Variants in NOVA1 observed in about 807,000 individuals in gnomAD.
NOVA1 encodes RNA-binding protein Nova-1.
NOVA1 carries 7 observed loss-of-function variants against 38.0 expected under a neutral mutation model. That is an observed-to-expected ratio of 0.18 (90% CI 0.10 to 0.35). The LOEUF is 0.35. Ranked by LOEUF, NOVA1 falls within the 10% of genes least tolerant of loss-of-function variation. The pLI, the probability that NOVA1 is intolerant of heterozygous loss-of-function variation, is 1.00. For synonymous variants in NOVA1, 270 were observed against 232.5 expected (o/e 1.16, Z -1.47); for missense variants, 460 against 616.0 (o/e 0.75, Z 2.68).
At position 26,571,053 on chromosome 14, in the gene NOVA1, T is replaced by C. The variant is rs1460818766; in HGVS notation, c.280+24357A>G. On this transcript the variant is annotated intron_variant, in intron 2 of 4. Coordinates refer to ENST00000539517, the MANE Select transcript of NOVA1 (RefSeq NM_002515.3). ...ATCCACAGACTTCACTTACAAAGGC[T>C]GGTGAAGAGCAATAATTGGTGATGT... Among the ~76,000 whole-genome samples the C allele has an allele frequency of 2.0e-5, 3 of 149,986 alleles. No homozygotes were observed. In the East Asian group the frequency reaches 5.8e-4, roughly 29 times the overall value.
At chr14:26,472,604 T>C (rs986107562) in intron 3 of NOVA1, among the ~76,000 whole-genome samples, 1 of 152,112 alleles carries the variant, frequency 6.6e-6, no homozygotes, top group Admixed American at 6.6e-5. Context: ...AATAAATTCA[T>C]GACTTGAAAT....
chr14:26,463,863 TA>T (rs1461015587), intron 4 of NOVA1, among the ~76,000 whole-genome samples: 1 of 152,194 alleles, frequency 6.6e-6, no homozygotes, highest in Admixed American at 6.5e-5. Context: ...GCACCATTCA[TA>T]AAATAAAACA....
At chr14:26,461,902 T>G (rs994102733) in intron 4 of NOVA1, among the ~76,000 whole-genome samples, 1 of 151,724 alleles carries the variant, frequency 6.6e-6, no homozygotes. Flanking sequence ...ATCGCATCAT[T>G]GCACTCCAGC....
At chr14:26,451,475 CT>C (rs1240121167) in intron 4 of NOVA1, among the ~76,000 whole-genome samples, 2 of 152,112 alleles carry the variant, frequency 1.3e-5, no homozygotes, top group Non-Finnish European at 2.9e-5. Context: ...TCAAGCGATT[CT>C]CCTGCCTCAG....
At chr14:26,509,198 C>A (rs1362381959) in intron 2 of NOVA1, among the ~76,000 whole-genome samples, 2 of 151,948 alleles carry the variant, frequency 1.3e-5, no homozygotes, top group African/African-American at 4.8e-5. Flanking sequence ...GAATAGTAAG[C>A]AGAAAGCCTG....
intron 4 of NOVA1, among the ~76,000 whole-genome samples, chr14:26,457,805 T>G (rs1883305466): frequency 6.6e-6 from 1 of 152,134 alleles, no homozygotes; most frequent in Non-Finnish European, 1.5e-5. Context: ...GATAGCTCCA[T>G]GTGTATTAGT....
At position 26,491,668 on chromosome 14, in the gene NOVA1, A is replaced by T. The variant is rs1886359999; in HGVS notation, c.281-11525T>A. 3.3e-5 allele frequency among the ~76,000 whole-genome samples: 5 copies of T among 152,196 alleles called. No individual in the cohort carries two copies. The South Asian group carries it at 1.0e-3, about 31-fold the overall frequency. On this transcript the variant is annotated intron_variant, in intron 2 of 4. Transcript: ENST00000539517. Reference sequence around the variant, plus strand: ...TTCTAACTCCACTCTTGCATGTGGAAATCCAGGTGTCCCAACAACACTTGT... The same window carrying T: ...TTCTAACTCCACTCTTGCATGTGGATATCCAGGTGTCCCAACAACACTTGT...
At chr14:26,502,765 A>C (rs915726242) in intron 2 of NOVA1, among the ~76,000 whole-genome samples, 4 of 152,044 alleles carry the variant, frequency 2.6e-5, no homozygotes, top group African/African-American at 9.6e-5. Context: ...ATTTTTCCTA[A>C]GTAAACTCAA....
At chr14:26,568,994 C>T (rs1251869038) in intron 2 of NOVA1, among the ~76,000 whole-genome samples, 2 of 151,986 alleles carry the variant, frequency 1.3e-5, no homozygotes, top group African/African-American at 2.4e-5. Context: ...AAGTTGTTCC[C>T]AACTATAAAT....
intron 3 of NOVA1, among the ~76,000 whole-genome samples, chr14:26,474,745 GT>G (rs1328300307): frequency 1.3e-5 from 2 of 151,872 alleles, no homozygotes; most frequent in Non-Finnish European, 2.9e-5. Flanking sequence ...AATTATGTAA[GT>G]TTGGGTTTCA....
rs183866564 is a variant in NOVA1, at chr14:26,458,709, C to T, written c.520-9746G>A. On this transcript the variant is annotated intron_variant, in intron 4 of 4. Transcript: ENST00000539517. ...GGGAATGGGTTGAAAAACTACCTAT[C>T]GGGCACTATGCTCACTATTTGGGAT... Among the ~76,000 whole-genome samples, 17 of 152,048 alleles carry T rather than the reference C, an allele frequency of 1.1e-4. No individual in the cohort carries two copies. The East Asian group carries it at 3.1e-3, about 28-fold the overall frequency.
At chr14:26,491,643 T>G (rs1181739082) in intron 2 of NOVA1, among the ~76,000 whole-genome samples, 1 of 152,128 alleles carries the variant, frequency 6.6e-6, no homozygotes, top group Non-Finnish European at 1.5e-5. Flanking sequence ...ATGAGGAGGG[T>G]TCTAACTCCA....
intron 2 of NOVA1, among the ~76,000 whole-genome samples, chr14:26,555,010 A>C (rs942896320): frequency 1.3e-5 from 2 of 152,164 alleles, no homozygotes; most frequent in African/African-American, 4.8e-5. Flanking sequence ...AAAACATAAT[A>C]TCTCCTAAAT....
chr14:26,568,382 C>G (rs1892264817), intron 2 of NOVA1: 1 of 152,160 alleles, frequency 6.6e-6, no homozygotes. Context: ...GAGTACACAT[C>G]AACCTTTTCA....
rs1382390704 is a variant in NOVA1, at chr14:26,597,549, GT to G, written c.-114del. ...TTTTTTGCGTTTGGGGTTTCTTAAGGTTTTTTTTTTTTAATCGGATCAATAT... is the reference window on the plus strand; with the variant it reads ...TTTTTTGCGTTTGGGGTTTCTTAAGGTTTTTTTTTTTAATCGGATCAATAT... On this transcript the variant is annotated 5_prime_UTR_variant, in exon 1 of 5. Coordinates refer to ENST00000539517, the MANE Select transcript of NOVA1 (RefSeq NM_002515.3). 14,249 of 688,290 alleles carry G rather than the reference GT, an allele frequency of 0.021. No homozygotes were observed. Among genetic ancestry groups the G allele is most frequent in the East Asian group, 0.068 (1,004 of 14,764 alleles). 42.6% of individuals were successfully genotyped at this position (688,290 alleles called of 1,614,324 possible). A position where few individuals can be genotyped will look rare whatever the true frequency, so the allele number is the denominator to read the frequency against.
intron 2 of NOVA1, among the ~76,000 whole-genome samples, chr14:26,492,437 T>C (rs1346128048): frequency 1.3e-5 from 2 of 152,206 alleles, no homozygotes; most frequent in Non-Finnish European, 2.9e-5. Flanking sequence ...TCTTGTTTCT[T>C]ATCATGGGAA....
At chr14:26,449,030 T>C (rs909831242) in intron 4 of NOVA1, 67 bp from the exon 5 acceptor site, 1 of 1,400,686 alleles carries the variant, frequency 7.1e-7, no homozygotes, top group Non-Finnish European at 9.6e-7. Context: ...ATTACTTTGC[T>C]ATCCTAGAAA....
At chr14:26,449,058 A>G in intron 4 of NOVA1, 95 bp from the exon 5 acceptor site, 1 of 1,126,004 alleles carries the variant, frequency 8.9e-7, no homozygotes, top group African/African-American at 1.6e-5. Context: ...TAATAAACTG[A>G]AAATTAAACA....
At chr14:26,484,423 G>A (rs1269297925) in intron 2 of NOVA1, among the ~76,000 whole-genome samples, 5 of 83,376 alleles carry the variant, frequency 6.0e-5, no homozygotes, top group Non-Finnish European at 8.1e-5. Context: ...GCGAGACTCC[G>A]TCTCGAAAAA....
Sources: gnomAD v4.1 joint callset for allele counts (sites outside exome capture counted in the v4.1 genomes callset) on GRCh38, gnomAD v4.1.1 for gene constraint, MANE v1.5 for transcripts, NCBI Gene and HGNC (gene_info 2026-07-23, HGNC 2026-07-21) for gene names.